Variants in SLF2 observed in about 807,000 individuals in gnomAD.
SLF2 encodes the protein SMC5-SMC6 complex localization factor protein 2.
In SLF2, 68 loss-of-function variants were observed where a neutral mutation model predicts 124.3. The observed-to-expected ratio is 0.55, with a 90% CI of 0.45 to 0.67. SLF2 has a LOEUF of 0.67. Ranked by LOEUF, SLF2 falls within the 30% of genes least tolerant of loss-of-function variation. The probability of loss-of-function intolerance (pLI) is 0.00; values close to 1 mark genes in which losing one functional copy is unlikely to be tolerated. For synonymous variants in SLF2, 480 were observed against 478.8 expected (o/e 1.00, Z -0.03); for missense variants, 1,246 against 1,373.7 (o/e 0.91, Z 1.47).
At position 100,950,738 on chromosome 10, in the gene SLF2, T is replaced by C. The variant is rs1214437391; in HGVS notation, c.3315T>C (p.Phe1105=). Residue 1105 remains phenylalanine (F), a synonymous_variant, in exon 17 of 20, where the codon TTT becomes TTC. Transcript: ENST00000238961. The stretch of plus-strand genomic sequence containing the variant: ...GTGAAGTTAGTTGTTCTCATTCTTT[T>C]TCTTCTGGACAACGGGTAGGTAGTG... ...LVGEVSCSHS[F]SSGQRKHFVL... is the part of the protein sequence containing the mutation. 3 of 1,613,978 alleles carry C rather than the reference T, an allele frequency of 1.9e-6. No homozygotes were observed. The South Asian group carries it at 3.3e-5, about 18-fold the overall frequency.
chr10:100,916,086 T>C, intron 2 of SLF2, 44 bp downstream of exon 2: 1 of 1,511,542 alleles, frequency 6.6e-7, no homozygotes, highest in Non-Finnish European at 9.1e-7. Context: ...ATTTTGGGGG[T>C]GAGGAGAGAG....
chr10:100,925,880 AT>A (rs1329112899), intron 5 of SLF2, 68 bp from the exon 6 acceptor site: 1 of 1,429,634 alleles, frequency 7.0e-7, no homozygotes, highest in African/African-American at 1.4e-5. Flanking sequence ...CGTACCCTTA[AT>A]TACTTAAAAC....
intron 6 of SLF2, 60 bp downstream of exon 6, chr10:100,926,079 C>T: frequency 6.2e-7 from 1 of 1,613,800 alleles, no homozygotes; most frequent in Non-Finnish European, 8.5e-7. Context: ...GTGTGGCTTA[C>T]TTTTAATTTA....
chr10:100,915,272 G>A (rs901729231), intron 1 of SLF2, among the ~76,000 whole-genome samples: 12 of 152,030 alleles, frequency 7.9e-5, no homozygotes, highest in Non-Finnish European at 1.3e-4. Flanking sequence ...AGGATTCTTT[G>A]ATAAAAAATT....
chr10:100,926,361 T>C (rs1466853598), intron 6 of SLF2: 4 of 1,283,956 alleles, frequency 3.1e-6, no homozygotes, highest in Non-Finnish European at 4.1e-6. Context: ...TCCAGTACTT[T>C]AGGAGGCCAA....
In SLF2 at chr10:100,950,753, G is replaced by A; in HGVS notation, c.3330G>A (p.Arg1110=). The A allele has an allele frequency of 1.9e-6, 3 of 1,612,954 alleles. No individual in the cohort carries two copies. The highest frequency in any genetic ancestry group is 2.5e-6 in the Non-Finnish European group (3 of 1,179,034). The stretch of plus-strand genomic sequence containing the variant: ...CTCATTCTTTTTCTTCTGGACAACG[G>A]GTAGGTAGTGTTTAGTGTTGTTGCT... ...SCSHSFSSGQ[R]KHFVLLCGAL... is the part of the protein sequence containing the mutation. Residue 1110 remains arginine (R), a splice_region_variant and synonymous_variant, in exon 17 of 20, where the codon CGG becomes CGA. Coordinates refer to ENST00000238961, the MANE Select transcript of SLF2 (RefSeq NM_018121.4).
At chr10:100,928,309 T>A (rs1054009545) in intron 6 of SLF2, among the ~76,000 whole-genome samples, 1 of 152,134 alleles carries the variant, frequency 6.6e-6, no homozygotes, top group Non-Finnish European at 1.5e-5. Flanking sequence ...ACCAAGTAGC[T>A]AACTTTAGGA....
Position 100,964,099 on chromosome 10 carries a change from T to G in SLF2, c.*2187T>G, listed in dbSNP as rs1447142149. On this transcript the variant is annotated 3_prime_UTR_variant, in exon 20 of 20. Transcript: ENST00000238961. ...TAGCACAAGTAGCCCATGGTTTTTC[T>G]TCCAAATCAAGTATTTTACTTCTCC... 1 of 152,626 alleles carries G rather than the reference T, an allele frequency of 6.6e-6. No homozygotes were observed. Among genetic ancestry groups the G allele is most frequent in the African/African-American group, 2.4e-5 (1 of 41,434 alleles). 9.5% of individuals were successfully genotyped at this position (152,626 alleles called of 1,614,324 possible).
chr10:100,929,250 TATAAAC>T, intron 6 of SLF2, 61 bp from the exon 7 acceptor site: 1 of 1,435,210 alleles, frequency 7.0e-7, no homozygotes, highest in Admixed American at 2.5e-5. Flanking sequence ...TGCTTTTAGA[TATAAAC>T]TAAAGACTTT....
chr10:100,923,232 T>C (rs1017264769), intron 4 of SLF2, among the ~76,000 whole-genome samples: 14 of 152,168 alleles, frequency 9.2e-5, no homozygotes, highest in African/African-American at 3.4e-4. Flanking sequence ...GGAATTATTG[T>C]TTCACAGTTC....
intron 15 of SLF2, 41 bp downstream of exon 15, chr10:100,947,888 G>T: frequency 6.8e-7 from 1 of 1,463,354 alleles, no homozygotes; most frequent in South Asian, 1.1e-5. Flanking sequence ...AATGGGAGAG[G>T]TAATGAGAGG....
Position 100,929,865 on chromosome 10 carries a change from C to G in SLF2, c.2201C>G (p.Ala734Gly). 1.9e-6 allele frequency: 3 copies of G among 1,589,146 alleles called. No homozygotes were observed. Among genetic ancestry groups the G allele is most frequent in the Non-Finnish European group, 2.6e-6 (3 of 1,172,736 alleles). Reference protein sequence around the residue: ...FLKKFSVTIDAIPDHHPGEEI... With the variant: ...FLKKFSVTIDGIPDHHPGEEI... ...AAGAAATTTTCAGTTACAATTGATG[C>G]TATTCCTGATCATCATCCAGGTGAA... The change falls in exon 8 of 20, where the codon GCT becomes GGT. Residue 734 changes from alanine to glycine, a missense_variant. By Grantham distance (60) the Ala-to-Gly change is moderately conservative. Transcript: ENST00000238961.
intron 6 of SLF2, among the ~76,000 whole-genome samples, chr10:100,928,060 C>CGAGAG (rs1394725973): frequency 1.3e-5 from 1 of 78,372 alleles, no homozygotes; most frequent in Non-Finnish European, 2.8e-5. Context: ...CACACACACA[C>CGAGAG]ACACACACGA....
At chr10:100,959,591 C>T in intron 19 of SLF2, 95 bp downstream of exon 19, 2 of 1,466,532 alleles carry the variant, frequency 1.4e-6, no homozygotes, top group Non-Finnish European at 9.0e-7. Context: ...TAACAGTGCA[C>T]TTGCTTCTAG....
In SLF2 at chr10:100,916,899, G is replaced by C; in HGVS notation, c.514G>C (p.Glu172Gln). ...KSLKKKHRSP[E>Q]RRKSLFIHEN... ...ACTAAAGAAAAAACATCGATCCCCA[G>C]AGAGAAGGAAGTCACTATTCATTCA... The change falls in exon 3 of 20, where the codon GAG becomes CAG. Residue 172 changes from glutamate to glutamine, a missense_variant. By Grantham distance (29) the Glu-to-Gln change is conservative. Transcript: ENST00000238961. 1 of 1,614,150 alleles carries C rather than the reference G, an allele frequency of 6.2e-7. No homozygotes were observed. The highest frequency in any genetic ancestry group is 1.1e-5 in the South Asian group (1 of 91,086).
chr10:100,918,122 T>C (rs533881716), intron 3 of SLF2, among the ~76,000 whole-genome samples: 2 of 152,336 alleles, frequency 1.3e-5, no homozygotes, highest in Non-Finnish European at 2.9e-5. Context: ...TCTTGAATTA[T>C]TGATATAAAC....
At chr10:100,946,308 AT>A (rs1850102158) in intron 13 of SLF2, among the ~76,000 whole-genome samples, 1 of 141,638 alleles carries the variant, frequency 7.1e-6, no homozygotes, top group Non-Finnish European at 1.5e-5. Flanking sequence ...GGTAATACAT[AT>A]TTTGGGGGTG....
Position 100,924,054 on chromosome 10 carries a change from T to G in SLF2, c.1053T>G (p.Ser351=). The part of the protein sequence containing the change: ...VDSDLKSTRE[S]MIPKARESFL... ...CAGATCTGAAAAGCACAAGAGAATC[T>G]ATGATACCAAAAGCAAGAGAGTCCT... is the stretch of plus-strand genomic sequence containing the variant. The change falls in exon 5 of 20, where the codon TCT becomes TCG. Residue 351 remains serine, a synonymous_variant. Coordinates refer to ENST00000238961, the MANE Select transcript of SLF2 (RefSeq NM_018121.4). The G allele has an allele frequency of 6.2e-7, 1 of 1,608,818 alleles. No homozygotes were observed. Among genetic ancestry groups the G allele is most frequent in the Non-Finnish European group, 8.5e-7 (1 of 1,178,704 alleles).
At position 100,925,951 on chromosome 10, in the gene SLF2, A is replaced by G. The variant is rs755997650; in HGVS notation, c.1974A>G (p.Gly658=). ...ATTTCTAAATGTTCTTGTTTTAGGG[A>G]CATGTTCATCCTGGAACTTACACAA... is the stretch of plus-strand genomic sequence containing the variant. ...GLRSQSSDYT[G]HVHPGTYTNT... is the part of the protein sequence containing the mutation. The change falls in exon 6 of 20, where the codon GGA becomes GGG. Residue 658 remains glycine (G), a splice_region_variant and synonymous_variant. Coordinates refer to ENST00000238961, the MANE Select transcript of SLF2 (RefSeq NM_018121.4). 3.1e-6 allele frequency: 5 copies of G among 1,587,326 alleles called. No individual in the cohort carries two copies. Among genetic ancestry groups the G allele is most frequent in the South Asian group, 2.3e-5 (2 of 86,338 alleles).
Sources: allele counts gnomAD v4.1 joint callset (sites outside exome capture counted in the v4.1 genomes callset), GRCh38; gene constraint gnomAD v4.1.1; transcripts MANE v1.5; gene names NCBI Gene and HGNC (gene_info 2026-07-23, HGNC 2026-07-21).